Variants in TOX2 observed in about 807,000 individuals in gnomAD.
The protein encoded by TOX2 is TOX high mobility group box family member 2.
In TOX2, 15 loss-of-function variants were observed where a neutral mutation model predicts 47.4. The ratio of observed to expected loss-of-function variants is 0.32; its 90% CI spans 0.21 to 0.49. TOX2 has a LOEUF of 0.49. Ranked by LOEUF, TOX2 falls within the 20% of genes least tolerant of loss-of-function variation. The probability of loss-of-function intolerance (pLI) is 0.99; values close to 1 mark genes in which losing one functional copy is unlikely to be tolerated. For synonymous variants in TOX2, 290 were observed against 296.6 expected (o/e 0.98, Z 0.23); for missense variants, 622 against 673.1 (o/e 0.92, Z 0.84).
Position 44,068,852 on chromosome 20 carries a change from C to T in TOX2, c.*166C>T. ...GTCTCTTCCTCAACCTCCCACCAGACTCTGCAGAGGCAGCCCACTGCCCAC... is the reference window on the plus strand; with the variant it reads ...GTCTCTTCCTCAACCTCCCACCAGATTCTGCAGAGGCAGCCCACTGCCCAC... On this transcript the variant is annotated 3_prime_UTR_variant, in exon 9 of 9. Transcript: ENST00000341197. The T allele has an allele frequency of 1.1e-6, 1 of 949,156 alleles. No homozygotes were observed. The highest frequency in any genetic ancestry group is 2.6e-5 in the East Asian group (1 of 37,988). The allele number at this position is 949,156 out of a possible 1,614,324, so 58.8% of individuals were successfully genotyped here.
intron 3 of TOX2, among the ~76,000 whole-genome samples, chr20:44,029,985 C>T (rs1410231645): frequency 1.3e-5 from 2 of 152,134 alleles, no homozygotes; most frequent in African/African-American, 4.8e-5. Flanking sequence ...TCAGGCCACC[C>T]TTTTGCACCC....
Position 44,059,976 on chromosome 20 carries a change from A to G in TOX2, c.880-4801A>G, listed in dbSNP as rs2071688230. Among the ~76,000 whole-genome samples the G allele has an allele frequency of 2.6e-5, 4 of 152,208 alleles. No homozygotes were observed. The South Asian group carries it at 8.3e-4, about 31-fold the overall frequency. The stretch of plus-strand genomic sequence containing the variant: ...AAAATACAGAATGGCAGAATGAATA[A>G]TTGACCAACTGAGTATCTGCTGTCT... On this transcript the variant is annotated intron_variant, in intron 5 of 8. Coordinates refer to ENST00000341197, the MANE Select transcript of TOX2 (RefSeq NM_001098797.2).
chr20:44,031,068 G>C (rs1383359574), intron 3 of TOX2, among the ~76,000 whole-genome samples: 1 of 152,144 alleles, frequency 6.6e-6, no homozygotes, highest in Non-Finnish European at 1.5e-5. Flanking sequence ...TGGAGACAAG[G>C]GCAAAATGCA....
intron 2 of TOX2, among the ~76,000 whole-genome samples, chr20:43,987,175 A>G (rs2070282155): frequency 6.6e-6 from 1 of 152,216 alleles, no homozygotes. Context: ...ACACAGTGGA[A>G]TACTATGCAG....
intron 1 of TOX2, among the ~76,000 whole-genome samples, chr20:43,929,676 A>C (rs1429940314): frequency 6.6e-6 from 1 of 151,920 alleles, no homozygotes; most frequent in East Asian, 1.9e-4. Context: ...TGTCTACCAT[A>C]GCCTCTGAGT....
chr20:43,957,567 CTTTTTTTTT>C (rs35133028), intron 1 of TOX2, among the ~76,000 whole-genome samples: 1 of 105,806 alleles, frequency 9.5e-6, no homozygotes, highest in African/African-American at 3.3e-5. Context: ...TAAATGCCCT[CTTTTTTTTT>C]TTTTTTTTTT....
Position 44,006,608 on chromosome 20 carries a change from A to G in TOX2, c.227A>G (p.Asn76Ser), listed in dbSNP as rs752774740. 22 of 1,613,280 alleles carry G rather than the reference A, an allele frequency of 1.4e-5. No homozygotes were observed. The highest frequency in any genetic ancestry group is 1.7e-4 in the Middle Eastern group (1 of 6,058). ...DYEIPPITPP[N>S]LPEPSLLHLG... ...GAGATCCCCCCGATAACACCTCCCA[A>G]CCTCCCGGAGCCATCCCTCCTGCAC... The change falls in exon 3 of 9, where the codon AAC (asparagine) becomes AGC (serine). Residue 76 changes from asparagine (N) to serine (S), a missense_variant. Asn to Ser is a conservative substitution (Grantham distance 46). Around this residue, in one of 3 missense-constraint regions of TOX2, gnomAD observed 307 missense variants for 327.3 expected, o/e 0.94. Coordinates refer to ENST00000341197, the MANE Select transcript of TOX2 (RefSeq NM_001098797.2).
At chr20:43,959,218 G>T (rs1469107712) in intron 1 of TOX2, among the ~76,000 whole-genome samples, 3 of 152,172 alleles carry the variant, frequency 2.0e-5, no homozygotes, top group Non-Finnish European at 4.4e-5. Context: ...GGACGAGAGG[G>T]GTAAGATCCC....
intron 2 of TOX2, among the ~76,000 whole-genome samples, chr20:43,984,511 T>A (rs1240872657): frequency 6.6e-6 from 1 of 152,144 alleles, no homozygotes; most frequent in African/African-American, 2.4e-5. Context: ...GAGGAGTGAG[T>A]ACTTATATCT....
At position 44,014,128 on chromosome 20, in the gene TOX2, C is replaced by CAAA. The variant is rs55721806; in HGVS notation, c.411+7361_411+7363dup. On this transcript the variant is annotated intron_variant, in intron 3 of 8. Coordinates refer to ENST00000341197, the MANE Select transcript of TOX2 (RefSeq NM_001098797.2). ...CGTGGGTGACAGAGTGAGACTATCTCAAAAAAAAAAAAAAAAAAAAAAAAA... is the reference window on the plus strand; with the variant it reads ...CGTGGGTGACAGAGTGAGACTATCTCAAAAAAAAAAAAAAAAAAAAAAAAAAAA... Among the ~76,000 whole-genome samples the CAAA allele has an allele frequency of 1.3e-3, 72 of 53,456 alleles. 5 individuals are homozygous for CAAA. The highest frequency in any genetic ancestry group is 4.2e-3 in the East Asian group (6 of 1,438). 35.1% of individuals were successfully genotyped at this position (53,456 alleles called of 152,430 possible). A position where few individuals can be genotyped will look rare whatever the true frequency, so the allele number is the denominator to read the frequency against.
intron 1 of TOX2, among the ~76,000 whole-genome samples, chr20:43,934,151 G>GAGAA (rs1026776653): frequency 3.4e-4 from 52 of 150,904 alleles, no homozygotes; most frequent in Admixed American, 7.9e-4. Context: ...GAGAGAGAGA[G>GAGAA]AGAGAGAGAG....
rs944838932 is a variant in TOX2 at position 44,065,845 on chromosome 20, G to C, written c.1094G>C (p.Arg365Pro). ...FLTPSDLQAF[R>P]SGASPASLAR... ...ACGCCGTCGGACCTGCAGGCCTTCCGCAGTGGGGCCTCCCCTGCCAGCCTC... is the reference window on the plus strand; with the variant it reads ...ACGCCGTCGGACCTGCAGGCCTTCCCCAGTGGGGCCTCCCCTGCCAGCCTC... The change falls in exon 7 of 9, where the codon CGC becomes CCC. Residue 365 changes from arginine (R) to proline (P), a missense_variant. Transcript: ENST00000341197. 6.2e-7 allele frequency: 1 copy of C among 1,613,764 alleles called. No homozygotes were observed. The highest frequency in any genetic ancestry group is 1.3e-5 in the African/African-American group (1 of 75,050).
At position 43,916,000 on chromosome 20, in the gene TOX2, A is replaced by G; in HGVS notation, c.99+1010A>G. ...CAGCCTGGATGGGTTGGGTGCCTCT[A>G]AGCAGTCCGCGTCCCCTTCGGTCGC... On this transcript the variant is annotated intron_variant, in intron 1 of 8. Coordinates refer to ENST00000341197, the MANE Select transcript of TOX2 (RefSeq NM_001098797.2). The surrounding 1 kb of genome is among the most constrained non-coding windows in gnomAD (Gnocchi z 7.1). 1 of 538,238 alleles carries G rather than the reference A, an allele frequency of 1.9e-6. No individual in the cohort carries two copies. Among genetic ancestry groups the G allele is most frequent in the Non-Finnish European group, 2.4e-6 (1 of 421,228 alleles). 33.3% of individuals were successfully genotyped at this position (538,238 alleles called of 1,614,324 possible).
intron 2 of TOX2, among the ~76,000 whole-genome samples, chr20:43,974,627 C>T (rs554441001): frequency 4.0e-4 from 61 of 152,242 alleles, no homozygotes; most frequent in Non-Finnish European, 8.1e-4. Flanking sequence ...CCTCAGCCAT[C>T]AGGCTGGGCA....
At chr20:43,957,078 G>T (rs977705733) in intron 1 of TOX2, among the ~76,000 whole-genome samples, 1 of 152,206 alleles carries the variant, frequency 6.6e-6, no homozygotes, top group African/African-American at 2.4e-5. Flanking sequence ...ATTTGAATCT[G>T]TCAATCTCTC....
At chr20:43,966,286 A>T (rs1263629781) in intron 1 of TOX2, among the ~76,000 whole-genome samples, 1 of 152,202 alleles carries the variant, frequency 6.6e-6, no homozygotes, top group African/African-American at 2.4e-5. Context: ...TTAAGTCCAA[A>T]GCTGATTTTA....
At chr20:43,936,215 C>T (rs1484135950) in intron 1 of TOX2, among the ~76,000 whole-genome samples, 1 of 152,192 alleles carries the variant, frequency 6.6e-6, no homozygotes, top group Non-Finnish European at 1.5e-5. Flanking sequence ...GGCCAGCAGG[C>T]TCAAACTCAG....
intron 1 of TOX2, among the ~76,000 whole-genome samples, chr20:43,942,531 C>T (rs923627448): frequency 3.3e-5 from 5 of 152,036 alleles, no homozygotes; most frequent in Non-Finnish European, 5.9e-5. Context: ...AGAAAAAACA[C>T]AAAAATTAGC....
intron 2 of TOX2, among the ~76,000 whole-genome samples, chr20:43,987,226 G>T (rs894874927): frequency 1.3e-5 from 2 of 152,194 alleles, no homozygotes; most frequent in African/African-American, 4.8e-5. Context: ...CCATCAAGCA[G>T]ATGAGTCTCA....
Sources: gnomAD v4.1 joint callset for allele counts (sites outside exome capture counted in the v4.1 genomes callset) on GRCh38, gnomAD v4.1.1 for gene constraint, gnomAD v4.1.1 regional missense constraint, Gnocchi (gnomAD v3.1) non-coding constraint, MANE v1.5 for transcripts, NCBI Gene and HGNC (gene_info 2026-07-23, HGNC 2026-07-21) for gene names.